The following C11orf65 variants were observed in gnomAD, a reference collection of about 807,000 sequenced individuals.
C11orf65 encodes protein MFI.
C11orf65 carries 38 observed loss-of-function variants against 35.3 expected under a neutral mutation model. The ratio of observed to expected loss-of-function variants is 1.08; its 90% CI spans 0.83 to 1.41. The LOEUF (loss-of-function observed/expected upper bound fraction) is 1.41. C11orf65 is among the 40% of genes most tolerant of loss of function. The pLI is 0.00. For missense variants in C11orf65, 370 were observed against 367.1 expected, an observed-to-expected ratio of 1.01 and a Z score of -0.06; for synonymous variants, 105 against 114.4, an observed-to-expected ratio of 0.92 and a Z score of 0.53.
At chr11:108,423,268 G>A (rs1288026113) in intron 3 of C11orf65, among the ~76,000 whole-genome samples, 1 of 152,152 alleles carries the variant, frequency 6.6e-6, no homozygotes, top group Non-Finnish European at 1.5e-5. Context: ...CTGAAGCCAG[G>A]GAGCCAAGTG....
At chr11:108,335,660 C>T (rs769487550) in intron 2 of C11orf65, among the ~76,000 whole-genome samples, 2 of 152,136 alleles carry the variant, frequency 1.3e-5, no homozygotes, top group Non-Finnish European at 2.9e-5. Context: ...CTTTCTAAAT[C>T]AGTGTAAATG....
intron 3 of C11orf65, among the ~76,000 whole-genome samples, chr11:108,419,052 T>C (rs994684281): frequency 6.6e-6 from 1 of 152,204 alleles, no homozygotes; most frequent in African/African-American, 2.4e-5. Context: ...CCTTACAAAG[T>C]ACATTTAAGG....
At chr11:108,456,297 A>C (rs774988619) in intron 2 of C11orf65, among the ~76,000 whole-genome samples, 21 of 152,226 alleles carry the variant, frequency 1.4e-4, no homozygotes, top group Non-Finnish European at 2.4e-4. Context: ...AAGGTATTTG[A>C]TCAGTTGGAT....
At position 108,335,967 on chromosome 11, in the gene C11orf65, T is replaced by A. The variant is rs747153940; in HGVS notation, c.227-675A>T. ...TAACTATCTGTACTTATAAGGTAAC[T>A]ATTTGTACTTCTGTTAGTTCACCAA... is the stretch of plus-strand genomic sequence containing the variant. On this transcript the variant is annotated intron_variant, in intron 2 of 3. Coordinates refer to the C11orf65 transcript ENST00000524755. 2.2e-5 allele frequency: 35 copies of A among 1,592,506 alleles called. No individual in the cohort carries two copies. The highest frequency in any genetic ancestry group is 2.6e-5 in the Non-Finnish European group (30 of 1,160,742).
In C11orf65 at chr11:108,452,041, C is replaced by G. The variant is rs192843947; in HGVS notation, c.81+9438G>C. On this transcript the variant is annotated intron_variant, in intron 2 of 8. Transcript: ENST00000393084. Reference sequence around the variant, plus strand: ...AAAGACTTAAACGTTAGACCTAAAACCATAAAAACCCTAGAAGAAAACCTA... The same window carrying G: ...AAAGACTTAAACGTTAGACCTAAAAGCATAAAAACCCTAGAAGAAAACCTA... Among the ~76,000 whole-genome samples, 21 of 152,230 alleles carry G rather than the reference C, an allele frequency of 1.4e-4. No individual in the cohort carries two copies. The East Asian group carries it at 4.1e-3, about 29-fold the overall frequency.
chr11:108,409,094 C>A (rs2092610647), intron 3 of C11orf65, among the ~76,000 whole-genome samples: 1 of 152,082 alleles, frequency 6.6e-6, no homozygotes, highest in African/African-American at 2.4e-5. Context: ...ATGTATTGTA[C>A]TCTCTTGTGC....
At chr11:108,403,231 A>G (rs1190487060) in intron 6 of C11orf65, among the ~76,000 whole-genome samples, 2 of 152,134 alleles carry the variant, frequency 1.3e-5, no homozygotes, top group Non-Finnish European at 2.9e-5. Context: ...GGCATGACAG[A>G]CTATTTCAGT....
chr11:108,342,804 TTACAC>T (rs1447026086), intron 2 of C11orf65, among the ~76,000 whole-genome samples: 1 of 152,178 alleles, frequency 6.6e-6, no homozygotes, highest in Non-Finnish European at 1.5e-5. Flanking sequence ...AATAATGAAG[TTACAC>T]TAAAATTGAG....
intron 3 of C11orf65, among the ~76,000 whole-genome samples, chr11:108,426,801 T>C (rs762591719): frequency 3.3e-5 from 5 of 151,878 alleles, no homozygotes; most frequent in African/African-American, 1.2e-4. Context: ...CCAAAACAGA[T>C]ATATAAACCA....
At chr11:108,414,304 T>A (rs1356019862) in intron 3 of C11orf65, among the ~76,000 whole-genome samples, 1 of 150,930 alleles carries the variant, frequency 6.6e-6, no homozygotes, top group Non-Finnish European at 1.5e-5. Context: ...TCCACACACA[T>A]CCCCTTTTTT....
At chr11:108,320,908 C>A (rs1456008007) in intron 6 of C11orf65, among the ~76,000 whole-genome samples, 1 of 152,062 alleles carries the variant, frequency 6.6e-6, no homozygotes, top group Non-Finnish European at 1.5e-5. Context: ...CATATTCTTA[C>A]AATAAAGTAA....
At position 108,345,749 on chromosome 11, in the gene C11orf65, C is replaced by G. The variant is rs1555137973; in HGVS notation, c.227-10457G>C. ...ATATATTCTCTATTTAAAGGAGGTGCAAAAAAAGTCTTTTGAAGAGAAATA... is the reference window on the plus strand; with the variant it reads ...ATATATTCTCTATTTAAAGGAGGTGGAAAAAAAGTCTTTTGAAGAGAAATA... On this transcript the variant is annotated intron_variant, in intron 2 of 3. Coordinates refer to the C11orf65 transcript ENST00000524755. The G allele has an allele frequency of 6.2e-7, 1 of 1,608,860 alleles. No homozygotes were observed.
intron 2 of C11orf65, among the ~76,000 whole-genome samples, chr11:108,445,489 A>G (rs2093239097): frequency 6.6e-6 from 1 of 152,052 alleles, no homozygotes; most frequent in South Asian, 2.1e-4. Flanking sequence ...TGCAGCCACC[A>G]CTGCTGATAC....
intron 6 of C11orf65, among the ~76,000 whole-genome samples, chr11:108,322,108 A>G (rs370898646): frequency 3.3e-5 from 5 of 151,736 alleles, no homozygotes; most frequent in South Asian, 2.1e-4. Context: ...GAACCATTCT[A>G]TTGTTTATTG....
intron 3 of C11orf65, among the ~76,000 whole-genome samples, chr11:108,408,804 A>G (rs1246602051): frequency 6.6e-6 from 1 of 151,552 alleles, no homozygotes; most frequent in East Asian, 1.9e-4. Context: ...GAAAGTAGAG[A>G]AAAAAATTCT....
intron 2 of C11orf65, among the ~76,000 whole-genome samples, chr11:108,375,245 G>A (rs892303345): frequency 2.0e-5 from 3 of 152,036 alleles, no homozygotes; most frequent in South Asian, 2.1e-4. Flanking sequence ...GAGAAAGGTC[G>A]GGTTACCCTC....
chr11:108,430,850 A>G (rs1299380653), intron 3 of C11orf65, among the ~76,000 whole-genome samples: 1 of 150,450 alleles, frequency 6.6e-6, no homozygotes, highest in Non-Finnish European at 1.5e-5. Flanking sequence ...GTCTTAAAAA[A>G]ATAAATAAAT....
intron 2 of C11orf65, among the ~76,000 whole-genome samples, chr11:108,370,753 C>T (rs548303072): frequency 1.1e-3 from 168 of 151,778 alleles, no homozygotes; most frequent in African/African-American, 3.6e-3. Flanking sequence ...TGATTATTTT[C>T]CTTGAATCTG....
At chr11:108,370,290 C>T (rs1227976853) in intron 2 of C11orf65, among the ~76,000 whole-genome samples, 4 of 151,914 alleles carry the variant, frequency 2.6e-5, no homozygotes, top group Admixed American at 6.6e-5. Context: ...TATCCAGTAA[C>T]CACAGTAAGC....
Sources: gnomAD v4.1 joint callset for allele counts (sites outside exome capture counted in the v4.1 genomes callset) on GRCh38, gnomAD v4.1.1 for gene constraint, MANE v1.5 for transcripts, NCBI Gene and HGNC (gene_info 2026-07-23, HGNC 2026-07-21) for gene names.